PLA2G6: variants seen among roughly 807,000 people sequenced by gnomAD.
The protein encoded by PLA2G6 is 85/88 kDa calcium-independent phospholipase A2.
Under a neutral mutation model 83.8 loss-of-function variants are expected in PLA2G6, and 62 were observed. The ratio of observed to expected loss-of-function variants is 0.74; its 90% confidence interval spans 0.60 to 0.91. The LOEUF is 0.91. PLA2G6 is among the 40% of genes least tolerant of loss of function. PLA2G6 has a pLI of 0.00. For synonymous variants in PLA2G6, 417 were observed against 449.8 expected, an observed-to-expected ratio of 0.93 and a Z score of 0.92; for missense variants, 944 against 1,102.0, an observed-to-expected ratio of 0.86 and a Z score of 2.03.
At chr22:38,127,393 GCCCAGGGCGTTA>G (rs1400018795) in intron 9 of PLA2G6, 2 of 1,316,224 alleles carry the variant, frequency 1.5e-6, no homozygotes, top group Non-Finnish European at 2.0e-6. Flanking sequence ...GCCTCTCCAG[GCCCAGGGCGTTA>G]CCCATCTGAC....
At chr22:38,124,718 C>T (rs907970217) in intron 10 of PLA2G6, among the ~76,000 whole-genome samples, 3 of 152,182 alleles carry the variant, frequency 2.0e-5, no homozygotes, top group Non-Finnish European at 2.9e-5. Context: ...CTCTGGGCAG[C>T]GCTGTGTGTC....
chr22:38,169,274 G>A lies in PLA2G6; in HGVS notation c.153C>T (p.Pro51=), dbSNP rs747061782. 5 of 1,614,056 alleles carry A rather than the reference G, an allele frequency of 3.1e-6. No homozygotes were observed. The African/African-American group carries it at 6.7e-5, about 22-fold the overall frequency. Residue 51 remains proline, a synonymous_variant, in exon 2 of 17, where the codon CCC becomes CCT. Transcript: ENST00000332509. ...CCAGGACGCAGTCCCAGGTGCGGTT[G>A]GGAGTGTTCTGGAACAGAATCAGCT... The part of the protein sequence containing the change: ...EGQLILFQNT[P]NRTWDCVLVN...
Position 38,145,576 on chromosome 22 carries a change from T to C in PLA2G6, c.287A>G (p.Glu96Gly), listed in dbSNP as rs1433891636. 1 of 1,613,854 alleles carries C rather than the reference T, an allele frequency of 6.2e-7. No homozygotes were observed. The highest frequency in any genetic ancestry group is 1.3e-5 in the African/African-American group (1 of 74,996). ...QYSSQLLPFY[E>G]SSPQVLHTEV... ...AGTGTGCAGGACCTGAGGGGAGCTC[T>C]CATAGAAGGGTAGCAGCTGGGAAGA... Residue 96 changes from glutamate to glycine, a missense_variant, in exon 3 of 17, where the codon GAG (glutamate) becomes GGG (glycine). Transcript: ENST00000332509.
At chr22:38,133,793 G>C (rs2088370324) in intron 6 of PLA2G6, 1 of 152,416 alleles carries the variant, frequency 6.6e-6, no homozygotes, top group African/African-American at 2.4e-5. Context: ...CTTAGGGGAA[G>C]AACTCAGAGG....
rs749847884 is a variant in PLA2G6, at chr22:38,113,793, G to T, written c.2035-139C>A. The T allele has an allele frequency of 5.9e-5, 47 of 799,576 alleles. No individual in the cohort carries two copies. In the East Asian group the frequency reaches 1.2e-3, roughly 20 times the overall value. 49.5% of individuals were successfully genotyped at this position (799,576 alleles called of 1,614,324 possible). A position where few individuals can be genotyped will look rare whatever the true frequency, so the allele number is the denominator to read the frequency against. ...AAGAGGTCTCTGGTGGCAAGAGCAT[G>T]CCTGGCATGATTTCCAGCCAGCCTC... On this transcript the variant is annotated intron_variant, in intron 14 of 16. Coordinates refer to ENST00000332509, the MANE Select transcript of PLA2G6 (RefSeq NM_003560.4).
At chr22:38,138,973 A>G (rs2088717280) in intron 5 of PLA2G6, 1 of 151,868 alleles carries the variant, frequency 6.6e-6, no homozygotes, top group Non-Finnish European at 1.5e-5. Flanking sequence ...CCTGGCCTAG[A>G]TAGTATTTTG....
chr22:38,140,367 G>A, intron 4 of PLA2G6, 198 bp from the exon 5 acceptor site: 1 of 557,348 alleles, frequency 1.8e-6, no homozygotes. Context: ...AATTAGCCGG[G>A]CATGGTGGCA....
chr22:38,139,409 A>ATT (rs1242849550), intron 5 of PLA2G6: 17 of 106,244 alleles, frequency 1.6e-4, no homozygotes, highest in African/African-American at 3.5e-4. Flanking sequence ...CATTAAATAA[A>ATT]TTTATTTTTA....
At chr22:38,148,747 T>G in intron 2 of PLA2G6, 1 of 476,146 alleles carries the variant, frequency 2.1e-6, no homozygotes, top group Non-Finnish European at 3.7e-6. Flanking sequence ...CAGTTCAGCC[T>G]CAAGTGATTT....
intron 1 of PLA2G6, among the ~76,000 whole-genome samples, chr22:38,171,199 A>C (rs1440357422): frequency 6.6e-6 from 1 of 151,616 alleles, no homozygotes; most frequent in Non-Finnish European, 1.5e-5. Context: ...AGATCATAAC[A>C]ACTGAAGAAA....
At chr22:38,130,663 T>G (rs550486737) in intron 7 of PLA2G6, 1 of 152,132 alleles carries the variant, frequency 6.6e-6, no homozygotes, top group African/African-American at 2.4e-5. Context: ...TGGCCATTTA[T>G]GGTAGTGATG....
rs535947718 is a variant in PLA2G6 at position 38,154,827 on chromosome 22, A to G, written c.210-9174T>C. Among the ~76,000 whole-genome samples, 27 of 152,360 alleles carry G rather than the reference A, an allele frequency of 1.8e-4. No individual in the cohort carries two copies. The East Asian group carries it at 4.1e-3, about 23-fold the overall frequency. Reference sequence around the variant, plus strand: ...GAGATATGTGACCTTTCAGACAGAGAATTCAAAATAGCTGTTTTGAGGGAA... The same window carrying G: ...GAGATATGTGACCTTTCAGACAGAGGATTCAAAATAGCTGTTTTGAGGGAA... On this transcript the variant is annotated intron_variant, in intron 2 of 16. Transcript: ENST00000332509.
At chr22:38,115,322 C>G (rs1480170225) in intron 14 of PLA2G6, among the ~76,000 whole-genome samples, 1 of 152,246 alleles carries the variant, frequency 6.6e-6, no homozygotes, top group African/African-American at 2.4e-5. Flanking sequence ...CAGTGGTCCT[C>G]AGATCCCCCT....
chr22:38,115,917 TC>T, intron 13 of PLA2G6, 157 bp downstream of exon 13: 2 of 1,441,858 alleles, frequency 1.4e-6, no homozygotes, highest in South Asian at 1.2e-5. Flanking sequence ...GCCTGACAGC[TC>T]CCCCGCAATC....
intron 4 of PLA2G6, chr22:38,141,416 T>A (rs2088895366): frequency 6.6e-6 from 1 of 152,216 alleles, no homozygotes; most frequent in African/African-American, 2.4e-5. Flanking sequence ...GCTGTCCCCA[T>A]GAGGTTCATT....
chr22:38,124,525 C>T (rs944437645), intron 10 of PLA2G6, among the ~76,000 whole-genome samples: 1 of 152,202 alleles, frequency 6.6e-6, no homozygotes, highest in African/African-American at 2.4e-5. Flanking sequence ...ATCTTCTCAT[C>T]TTCCCATCTC....
In PLA2G6 at chr22:38,123,346, C is replaced by T. The variant is rs2087636935; in HGVS notation, c.1428-88G>A. 1.4e-6 allele frequency: 2 copies of T among 1,402,522 alleles called. No homozygotes were observed. Among genetic ancestry groups the T allele is most frequent in the Admixed American group, 3.9e-5 (2 of 50,804 alleles). 86.9% of individuals were successfully genotyped at this position (1,402,522 alleles called of 1,614,324 possible). A position where few individuals can be genotyped will look rare whatever the true frequency, so the allele number is the denominator to read the frequency against. The stretch of plus-strand genomic sequence containing the variant: ...CCCTCATAGCCCTTGTCCCCTGCAG[C>T]TGTGTCCTGGCAGACAGACCCAGAC... On this transcript the variant is annotated intron_variant, in intron 10 of 16. Transcript: ENST00000332509. The surrounding 1 kb of genome is among the most constrained non-coding windows in gnomAD (Gnocchi z 4.1).
In PLA2G6 at chr22:38,128,089, C is replaced by T. The variant is rs918745138; in HGVS notation, c.1348+180G>A. ...GAGCATGGGACATCAGCCAGGGACA[C>T]CCTAGGCCTCTGGGATCTGTGGGTT... On this transcript the variant is annotated intron_variant, in intron 9 of 16. Transcript: ENST00000332509. The surrounding 1 kb of genome is among the most constrained non-coding windows in gnomAD (Gnocchi z 4.4). 4.2e-5 allele frequency: 27 copies of T among 641,302 alleles called. No homozygotes were observed. The highest frequency in any genetic ancestry group is 5.4e-5 in the African/African-American group (3 of 55,286). 39.7% of individuals were successfully genotyped at this position (641,302 alleles called of 1,614,324 possible). A position where few individuals can be genotyped will look rare whatever the true frequency, so the allele number is the denominator to read the frequency against.
At chr22:38,163,690 G>C (rs2090106513) in intron 2 of PLA2G6, 1 of 169,574 alleles carries the variant, frequency 5.9e-6, no homozygotes, top group East Asian at 1.9e-4. Flanking sequence ...CAAGGGCAAA[G>C]AGGCCGTGTC....
Sources: allele counts gnomAD v4.1 joint callset (sites outside exome capture counted in the v4.1 genomes callset), GRCh38; gene constraint gnomAD v4.1.1; non-coding constraint Gnocchi (gnomAD v3.1); transcripts MANE v1.5; gene names NCBI Gene and HGNC (gene_info 2026-07-23, HGNC 2026-07-21).